Variants in HORMAD2 observed in about 807,000 individuals in gnomAD.
HORMAD2 encodes the protein HORMA domain-containing protein 2.
In HORMAD2, 45 loss-of-function variants were observed where a neutral mutation model predicts 38.8. The ratio of observed to expected loss-of-function variants is 1.16; its 90% CI spans 0.91 to 1.49. The LOEUF (loss-of-function observed/expected upper bound fraction) is 1.49. HORMAD2 is among the 40% of genes most tolerant of loss of function. The pLI is 0.00. For synonymous variants in HORMAD2, 126 were observed against 122.8 expected (o/e 1.03, Z -0.17); for missense variants, 338 against 367.0 (o/e 0.92, Z 0.65).
At chr22:30,157,833 T>A (rs527469904) in intron 10 of HORMAD2, among the ~76,000 whole-genome samples, 6 of 152,304 alleles carry the variant, frequency 3.9e-5, no homozygotes, top group East Asian at 1.9e-4. Context: ...TTAGATTTTT[T>A]AAAAAAATTC....
chr22:30,109,505 T>C (rs1026390600), intron 5 of HORMAD2, among the ~76,000 whole-genome samples: 9 of 151,834 alleles, frequency 5.9e-5, no homozygotes, highest in African/African-American at 2.2e-4. Context: ...TTTGTAGAGA[T>C]GGCATCTTAC....
upstream of HORMAD2, among the ~76,000 whole-genome samples, chr22:30,079,492 CT>C (rs1212681855): frequency 6.6e-6 from 1 of 152,076 alleles, no homozygotes; most frequent in Non-Finnish European, 1.5e-5. Context: ...GGCCTTATGT[CT>C]TTTTTCTTTC....
rs115311695 is a variant in HORMAD2 at position 30,164,017 on chromosome 22, T to G, written c.820-12046T>G. On this transcript the variant is annotated intron_variant, in intron 10 of 10. Coordinates refer to ENST00000336726, the MANE Select transcript of HORMAD2 (RefSeq NM_152510.4). ...TTTCTGTCTCTATTAATTTGACTAC[T>G]CTATATACCTTACACAAGTGGAATT... Among the ~76,000 whole-genome samples, 1,268 of 152,334 alleles carry G rather than the reference T, an allele frequency of 8.3e-3. 14 individuals are homozygous for G. The highest frequency in any genetic ancestry group is 0.029 in the African/African-American group (1,195 of 41,568).
chr22:30,159,198 A>G (rs1347022391), intron 10 of HORMAD2, among the ~76,000 whole-genome samples: 1 of 152,156 alleles, frequency 6.6e-6, no homozygotes, highest in Non-Finnish European at 1.5e-5. Flanking sequence ...TTGAATTTTG[A>G]AAGCCCTCAG....
intron 10 of HORMAD2, among the ~76,000 whole-genome samples, chr22:30,161,714 TA>T (rs1222071747): frequency 6.6e-6 from 1 of 152,094 alleles, no homozygotes; most frequent in Admixed American, 6.5e-5. Flanking sequence ...TAATAAACAT[TA>T]TTTTTTTAAA....
intron 8 of HORMAD2, among the ~76,000 whole-genome samples, chr22:30,119,406 A>G (rs1232687155): frequency 6.6e-6 from 1 of 152,194 alleles, no homozygotes; most frequent in Non-Finnish European, 1.5e-5. Flanking sequence ...GCCTGTGCCT[A>G]GGGTAGATAA....
the HORMAD2 span, among the ~76,000 whole-genome samples, chr22:30,184,081 G>A: frequency 6.6e-6 from 1 of 152,174 alleles, no homozygotes; most frequent in African/African-American, 2.4e-5. Flanking sequence ...AAACCACAAG[G>A]AATGCGGTTA....
the HORMAD2 span, among the ~76,000 whole-genome samples, chr22:30,197,848 T>C: frequency 3.0e-4 from 45 of 152,212 alleles, 1 homozygote; most frequent in African/African-American, 1.0e-3. Flanking sequence ...CCCATCACCA[T>C]TGCCTTCCAC....
rs11384913 is a variant in HORMAD2, at chr22:30,132,539, C to CAA, written c.819+10337_819+10338dup. On this transcript the variant is annotated intron_variant, in intron 10 of 10. Transcript: ENST00000336726. ...TGGGAGACAGAGGGAGACTCCGTCT[C>CAA]AAAAAAAAAAAAACAAAACCAAAAA... Among the ~76,000 whole-genome samples the CAA allele has an allele frequency of 2.8e-3, 360 of 129,694 alleles. 1 individual carries two copies. Among genetic ancestry groups the CAA allele is most frequent in the Non-Finnish European group, 3.9e-3 (241 of 61,634 alleles). The allele number at this position is 129,694 out of a possible 152,430, so 85.1% of individuals were successfully genotyped here.
intron 10 of HORMAD2, among the ~76,000 whole-genome samples, chr22:30,167,313 G>GC (rs894115041): frequency 6.6e-6 from 1 of 152,096 alleles, no homozygotes; most frequent in Non-Finnish European, 1.5e-5. Flanking sequence ...CTGTAGAGAC[G>GC]CCCCCCTTTT....
At chr22:30,171,660 C>A (rs1458522580) in intron 10 of HORMAD2, among the ~76,000 whole-genome samples, 3 of 152,000 alleles carry the variant, frequency 2.0e-5, no homozygotes, top group Admixed American at 6.6e-5. Flanking sequence ...TTTATTGAAC[C>A]TTTACTATGT....
chr22:30,196,377 C>G, the HORMAD2 span, among the ~76,000 whole-genome samples: 4 of 152,144 alleles, frequency 2.6e-5, no homozygotes, highest in African/African-American at 9.7e-5. Flanking sequence ...AGAATTCAGT[C>G]AGACAGCATT....
intron 5 of HORMAD2, among the ~76,000 whole-genome samples, chr22:30,107,721 G>T (rs898021835): frequency 1.3e-5 from 2 of 151,808 alleles, no homozygotes; most frequent in African/African-American, 4.8e-5. Flanking sequence ...CTGCACTCCA[G>T]CCTGGGCGAC....
Position 30,111,845 on chromosome 22 carries a change from C to G in HORMAD2, c.315+29C>G, listed in dbSNP as rs200707790. ...AGTACACACTCATTTAAAGACCAAG[C>G]CTCTGTCTCTATTTCATTGTCTTTT... is the stretch of plus-strand genomic sequence containing the variant. On this transcript the variant is annotated intron_variant, in intron 6 of 10. Coordinates refer to ENST00000336726, the MANE Select transcript of HORMAD2 (RefSeq NM_152510.4). The G allele has an allele frequency of 7.1e-6, 11 of 1,543,256 alleles. No homozygotes were observed. The East Asian group carries it at 2.6e-4, about 36-fold the overall frequency.
intron 10 of HORMAD2, among the ~76,000 whole-genome samples, chr22:30,135,226 C>T (rs1923571992): frequency 6.6e-6 from 1 of 151,834 alleles, no homozygotes; most frequent in Non-Finnish European, 1.5e-5. Flanking sequence ...TAAGAGTTAC[C>T]CTCTTGCTGT....
At chr22:30,078,607 C>CAAAAAAAAAAAAAAAAAAAAAAAA (rs55966787), upstream of HORMAD2, among the ~76,000 whole-genome samples, 1 of 28,102 alleles carries the variant, frequency 3.6e-5, no homozygotes, top group African/African-American at 1.5e-4. Flanking sequence ...CTCTGTCTCA[C>CAAAAAAAAAAAAAAAAAAAAAAAA]AAAAAAAAAA....
intron 10 of HORMAD2, among the ~76,000 whole-genome samples, chr22:30,158,089 A>AG (rs1925196474): frequency 6.6e-6 from 1 of 152,076 alleles, no homozygotes; most frequent in Non-Finnish European, 1.5e-5. Flanking sequence ...AGAAAAAAAA[A>AG]GAGGCATTAA....
chr22:30,088,529 C>CT (rs1166691405), intron 1 of HORMAD2, among the ~76,000 whole-genome samples: 4 of 151,390 alleles, frequency 2.6e-5, no homozygotes, highest in Admixed American at 6.6e-5. Context: ...ATTTTCAGAG[C>CT]TTGATTCCCT....
At chr22:30,121,926 C>A (rs1922469351) in intron 9 of HORMAD2, 38 bp from the exon 10 acceptor site, 1 of 1,589,126 alleles carries the variant, frequency 6.3e-7, no homozygotes, top group Non-Finnish European at 8.6e-7. Flanking sequence ...TGTATTGAAA[C>A]TCAGTTTTCA....
Sources: allele counts gnomAD v4.1 joint callset (sites outside exome capture counted in the v4.1 genomes callset), GRCh38; gene constraint gnomAD v4.1.1; transcripts MANE v1.5; gene names NCBI Gene and HGNC (gene_info 2026-07-23, HGNC 2026-07-21).